The following MTPAP variants were observed in gnomAD, a reference collection of about 807,000 sequenced individuals.
MTPAP encodes the protein poly(A) RNA polymerase, mitochondrial.
In MTPAP, 23 loss-of-function variants were observed where a neutral mutation model predicts 48.7. The ratio of observed to expected loss-of-function variants is 0.47; its 90% CI spans 0.34 to 0.67. MTPAP has a LOEUF of 0.67. Ranked by LOEUF, MTPAP falls within the 30% of genes least tolerant of loss-of-function variation. The probability of loss-of-function intolerance (pLI) is 0.01; values close to 1 mark genes in which losing one functional copy is unlikely to be tolerated. For synonymous variants in MTPAP, 257 were observed against 254.1 expected (o/e 1.01, Z -0.11); for missense variants, 614 against 694.3 (o/e 0.88, Z 1.30).
At chr10:30,338,470 T>G (rs1223015978) in intron 3 of MTPAP, among the ~76,000 whole-genome samples, 1 of 149,730 alleles carries the variant, frequency 6.7e-6, no homozygotes, top group African/African-American at 2.5e-5. Context: ...GATCAGGAGT[T>G]AGAGACCAGC....
At chr10:30,319,744 T>C (rs902911683) in intron 6 of MTPAP, among the ~76,000 whole-genome samples, 2 of 152,234 alleles carry the variant, frequency 1.3e-5, no homozygotes, top group Non-Finnish European at 2.9e-5. Context: ...AGGCAAAAAG[T>C]GTATTTTGCT....
At chr10:30,331,498 C>CTT (rs1834665041) in intron 4 of MTPAP, among the ~76,000 whole-genome samples, 1 of 152,210 alleles carries the variant, frequency 6.6e-6, no homozygotes, top group Non-Finnish European at 1.5e-5. Context: ...AGTCAGGTGA[C>CTT]ATATTTCACA....
chr10:30,341,530 T>C lies in MTPAP; in HGVS notation c.268A>G (p.Lys90Glu). The C allele has an allele frequency of 1.2e-6, 2 of 1,614,032 alleles. No individual in the cohort carries two copies. Among genetic ancestry groups the C allele is most frequent in the Non-Finnish European group, 1.7e-6 (2 of 1,179,936 alleles). ...IHCPEKISEN[K>E]FLKYLSQFGP... is the part of the protein sequence containing the mutation. Reference sequence around the variant, plus strand: ...AATTGGGATAAATATTTAAGAAACTTGTTTTCACTGATTTTCTCTGGGCAA... The same window carrying C: ...AATTGGGATAAATATTTAAGAAACTCGTTTTCACTGATTTTCTCTGGGCAA... Residue 90 changes from lysine to glutamate, a missense_variant, in exon 2 of 9, where the codon AAG (lysine) becomes GAG (glutamate). By Grantham distance (56) the Lys-to-Glu change is moderately conservative (BLOSUM62 1). Transcript: ENST00000263063.
At chr10:30,346,043 GAA>G (rs59035967) in intron 1 of MTPAP, among the ~76,000 whole-genome samples, 4 of 64,166 alleles carry the variant, frequency 6.2e-5, no homozygotes, top group African/African-American at 1.7e-4. Flanking sequence ...CTTCTCAAAA[GAA>G]AAAAAAAAAA....
chr10:30,323,130 A>C, intron 5 of MTPAP, among the ~76,000 whole-genome samples: 1 of 79,156 alleles, frequency 1.3e-5, no homozygotes, highest in Admixed American at 1.2e-4. Context: ...CTCCGTTTCA[A>C]AAAAAAAAAA....
At chr10:30,326,049 C>G (rs1834591894) in intron 5 of MTPAP, among the ~76,000 whole-genome samples, 1 of 152,084 alleles carries the variant, frequency 6.6e-6, no homozygotes, top group African/African-American at 2.4e-5. Context: ...AAGGCTTGTA[C>G]TATAAATAGG....
chr10:30,322,032 A>G (rs553122165), intron 6 of MTPAP, among the ~76,000 whole-genome samples: 3 of 152,242 alleles, frequency 2.0e-5, no homozygotes, highest in Non-Finnish European at 4.4e-5. Context: ...AAGTCTAAAC[A>G]TAAGTTCAGA....
At chr10:30,319,065 T>TGGG (rs1840693091) in intron 6 of MTPAP, among the ~76,000 whole-genome samples, 1 of 144,256 alleles carries the variant, frequency 6.9e-6, no homozygotes, top group African/African-American at 2.9e-5. Context: ...GCGGGGTGGC[T>TGGG]GGGAGGGGGA....
intron 5 of MTPAP, among the ~76,000 whole-genome samples, chr10:30,324,793 G>A (rs142166905): frequency 2.3e-4 from 35 of 152,186 alleles, no homozygotes; most frequent in African/African-American, 6.5e-4. Context: ...CCTGAGGTCC[G>A]GAGTTCAAGA....
intron 4 of MTPAP, 112 bp from the exon 5 acceptor site, chr10:30,326,747 G>A: frequency 2.5e-6 from 2 of 796,454 alleles, no homozygotes; most frequent in Admixed American, 2.8e-5. Context: ...AACAAAATAA[G>A]AAAAAAACAA....
Position 30,311,528 on chromosome 10 carries a change from A to G in MTPAP, c.*2081T>C, listed in dbSNP as rs898659436. On this transcript the variant is annotated 3_prime_UTR_variant, in exon 9 of 9. Transcript: ENST00000263063. ...TCGCGCCAGGAAAATGCACTGACCTAGCATTTTCCTACATCCCTCGCTTAA... is the reference window on the plus strand; with the variant it reads ...TCGCGCCAGGAAAATGCACTGACCTGGCATTTTCCTACATCCCTCGCTTAA... 1 of 152,226 alleles carries G rather than the reference A, an allele frequency of 6.6e-6. No individual in the cohort carries two copies. Among genetic ancestry groups the G allele is most frequent in the Admixed American group, 6.5e-5 (1 of 15,280 alleles). 9.4% of individuals were successfully genotyped at this position (152,226 alleles called of 1,614,324 possible).
chr10:30,332,078 C>T (rs1311337335), intron 4 of MTPAP, among the ~76,000 whole-genome samples: 1 of 152,170 alleles, frequency 6.6e-6, no homozygotes. Flanking sequence ...AAGAGAAGAG[C>T]TCATGAATGC....
At chr10:30,328,545 T>A (rs1834626337) in intron 4 of MTPAP, among the ~76,000 whole-genome samples, 1 of 152,234 alleles carries the variant, frequency 6.6e-6, no homozygotes, top group Admixed American at 6.5e-5. Flanking sequence ...TCTAGTTTAA[T>A]AAGGTTCCCT....
chr10:30,328,825 T>C (rs1834629402), intron 4 of MTPAP, among the ~76,000 whole-genome samples: 1 of 151,682 alleles, frequency 6.6e-6, no homozygotes, highest in African/African-American at 2.4e-5. Flanking sequence ...TACACAAGCA[T>C]GAAAAAGAAA....
At chr10:30,340,638 G>A (rs1251212609) in intron 2 of MTPAP, among the ~76,000 whole-genome samples, 188 bp from the exon 3 acceptor site, 1 of 152,136 alleles carries the variant, frequency 6.6e-6, no homozygotes, top group Non-Finnish European at 1.5e-5. Flanking sequence ...GGAACACTGG[G>A]CCGGGCGCAG....
chr10:30,321,741 G>GTA (rs1840728104), intron 6 of MTPAP, among the ~76,000 whole-genome samples: 2 of 152,158 alleles, frequency 1.3e-5, no homozygotes, highest in Admixed American at 1.3e-4. Flanking sequence ...TGTAAGACGG[G>GTA]TAGAAGACAG....
intron 2 of MTPAP, 77 bp downstream of exon 2, chr10:30,341,391 C>A (rs189188173): frequency 1.3e-6 from 2 of 1,529,172 alleles, no homozygotes; most frequent in East Asian, 4.8e-5. Flanking sequence ...CAAAAAGCAA[C>A]AGCAAAAAAC....
In MTPAP at chr10:30,322,290, A is replaced by T. The variant is rs538257323; in HGVS notation, c.1219+101T>A. The stretch of plus-strand genomic sequence containing the variant: ...TTAAAAAAAAGTCAAGACAAATTTT[A>T]TGACTAATAAACAAATAGACGGGAC... On this transcript the variant is annotated intron_variant, in intron 6 of 8. Transcript: ENST00000263063. 203 of 1,049,928 alleles carry T rather than the reference A, an allele frequency of 1.9e-4. 4 individuals carry two copies. In the South Asian group the frequency reaches 2.6e-3, roughly 14 times the overall value. The allele number at this position is 1,049,928 out of a possible 1,614,324, so 65.0% of individuals were successfully genotyped here. A position where few individuals can be genotyped will look rare whatever the true frequency, so the allele number is the denominator to read the frequency against.
intron 4 of MTPAP, among the ~76,000 whole-genome samples, chr10:30,333,939 T>A (rs1194808157): frequency 6.6e-6 from 1 of 152,120 alleles, no homozygotes; most frequent in Non-Finnish European, 1.5e-5. Context: ...ATAATAAAAC[T>A]GACCCATTTA....
Sources: gnomAD v4.1 joint callset for allele counts (sites outside exome capture counted in the v4.1 genomes callset) on GRCh38, gnomAD v4.1.1 for gene constraint, MANE v1.5 for transcripts, NCBI Gene and HGNC (gene_info 2026-07-23, HGNC 2026-07-21) for gene names.